Variants in SEM1 observed in about 807,000 individuals in gnomAD.
The protein encoded by SEM1 is SEM1 26S proteasome subunit.
Under a neutral mutation model 12.7 loss-of-function variants are expected in SEM1, and 3 were observed. The observed-to-expected ratio is 0.24, with a 90% CI of 0.11 to 0.61. SEM1 has a LOEUF of 0.61. SEM1 is among the 20% of genes least tolerant of loss of function. The pLI is 0.88. For synonymous variants in SEM1, 30 were observed against 27.8 expected, an observed-to-expected ratio of 1.08 and a Z score of -0.25; for missense variants, 59 against 81.3, an observed-to-expected ratio of 0.73 and a Z score of 1.06.
At chr7:96,504,410 A>G in intron 3 of SEM1, among the ~76,000 whole-genome samples, 1 of 152,208 alleles carries the variant, frequency 6.6e-6, no homozygotes, top group East Asian at 1.9e-4. Flanking sequence ...AATATGGAAA[A>G]TTTCAAACAT....
intron 2 of SEM1, among the ~76,000 whole-genome samples, chr7:96,651,049 C>A (rs1808963177): frequency 6.6e-6 from 1 of 152,152 alleles, no homozygotes; most frequent in African/African-American, 2.4e-5. Flanking sequence ...TAGTCTAAGA[C>A]ACCACAGACT....
downstream of SEM1, among the ~76,000 whole-genome samples, chr7:96,671,166 A>T (rs1345954872): frequency 1.3e-5 from 2 of 152,192 alleles, no homozygotes; most frequent in South Asian, 4.1e-4. Flanking sequence ...AAAAATTAAG[A>T]CACCTTGAAA....
intron 2 of SEM1, among the ~76,000 whole-genome samples, chr7:96,664,920 T>A (rs1584847157): frequency 6.6e-6 from 1 of 152,166 alleles, no homozygotes; most frequent in African/African-American, 2.4e-5. Context: ...CCCACAAAGT[T>A]AAGTAGTGGA....
intron 2 of SEM1, among the ~76,000 whole-genome samples, chr7:96,580,219 G>A (rs1563069950): frequency 6.8e-6 from 1 of 147,074 alleles, no homozygotes; most frequent in Admixed American, 6.9e-5. Flanking sequence ...AATATGCGGT[G>A]TTTGGTTTTT....
Position 96,652,178 on chromosome 7 carries a change from CTCAAG to C in SEM1, c.171-29540_171-29536del, listed in dbSNP as rs578245939. Among the ~76,000 whole-genome samples the C allele has an allele frequency of 5.3e-5, 8 of 152,256 alleles. No homozygotes were observed. In the South Asian group the frequency reaches 1.0e-3, roughly 20 times the overall value. On this transcript the variant is annotated intron_variant, in intron 2 of 2. Coordinates refer to the SEM1 transcript ENST00000417009. ...AGAATTTAATAAAATTAAATGCACA[CTCAAG>C]TCAAGTGAACACTTTATATTGAAAT...
intron 1 of SEM1, among the ~76,000 whole-genome samples, chr7:96,492,817 C>T (rs1022945939): frequency 1.3e-5 from 2 of 150,778 alleles, no homozygotes; most frequent in African/African-American, 4.9e-5. Flanking sequence ...TTGTTCATTC[C>T]TTCATCCTTC....
At chr7:96,557,147 T>C (rs1172450788) in intron 2 of SEM1, among the ~76,000 whole-genome samples, 3 of 151,142 alleles carry the variant, frequency 2.0e-5, no homozygotes, top group South Asian at 2.1e-4. Context: ...CGTCCTCCCG[T>C]AGCTCAGAGT....
chr7:96,568,462 A>T (rs189302025), intron 2 of SEM1, among the ~76,000 whole-genome samples: 1 of 151,856 alleles, frequency 6.6e-6, no homozygotes, highest in East Asian at 1.9e-4. Context: ...GCTATTTAGG[A>T]ATTTCACACT....
intron 2 of SEM1, among the ~76,000 whole-genome samples, chr7:96,563,737 A>C (rs1350690087): frequency 6.6e-6 from 1 of 152,146 alleles, no homozygotes. Context: ...TAGATATAGA[A>C]TGTTTAACTC....
downstream of SEM1, among the ~76,000 whole-genome samples, chr7:96,617,626 G>C (rs543291812): frequency 6.6e-6 from 1 of 152,294 alleles, no homozygotes; most frequent in South Asian, 2.1e-4. Context: ...AGTTCTTAGA[G>C]AGAATGCTTT....
At chr7:96,687,791 TA>T (rs1056776364), downstream of SEM1, among the ~76,000 whole-genome samples, 648 of 150,934 alleles carry the variant, frequency 4.3e-3, 4 homozygotes, top group African/African-American at 0.015. Flanking sequence ...AATAATAATT[TA>T]AAAAAAAAGA....
chr7:96,613,730 C>T (rs1305574588), intron 2 of SEM1, among the ~76,000 whole-genome samples: 1 of 152,206 alleles, frequency 6.6e-6, no homozygotes, highest in African/African-American at 2.4e-5. Flanking sequence ...CTGGTAACCA[C>T]TGTTCTATTA....
At chr7:96,672,202 A>G (rs1000092801), downstream of SEM1, among the ~76,000 whole-genome samples, 2 of 152,154 alleles carry the variant, frequency 1.3e-5, no homozygotes, top group Non-Finnish European at 2.9e-5. Flanking sequence ...CTTTTCTTTT[A>G]CAAGGAAAGA....
chr7:96,498,531 A>G (rs145095238), upstream of SEM1, among the ~76,000 whole-genome samples: 1,375 of 152,282 alleles, frequency 9.0e-3, 19 homozygotes, highest in African/African-American at 0.031. Flanking sequence ...TACGACAGAG[A>G]TGAATTGAGG....
intron 2 of SEM1, among the ~76,000 whole-genome samples, chr7:96,583,095 T>C (rs1231012300): frequency 2.6e-5 from 4 of 152,232 alleles, no homozygotes; most frequent in South Asian, 4.2e-4. Context: ...TCCTGCTTTC[T>C]CTTGTGGGCA....
chr7:96,573,459 C>T (rs956458502), intron 2 of SEM1, among the ~76,000 whole-genome samples: 2 of 152,142 alleles, frequency 1.3e-5, no homozygotes, highest in African/African-American at 4.8e-5. Context: ...TAAGGCAGGC[C>T]TAGTGGTGAC....
chr7:96,506,639 G>GT (rs1803762682), exon 3 of SEM1: 1 of 151,976 alleles, frequency 6.6e-6, no homozygotes, highest in South Asian at 2.1e-4. Context: ...TAGTGATGCT[G>GT]TTGAGAACTG....
At position 96,512,528 on chromosome 7, in the gene SEM1, C is replaced by T. The variant is rs1279278825; in HGVS notation, c.171-5830G>A. Among the ~76,000 whole-genome samples the T allele has an allele frequency of 2.0e-5, 3 of 152,106 alleles. No homozygotes were observed. The East Asian group carries it at 5.8e-4, about 30-fold the overall frequency. On this transcript the variant is annotated intron_variant and NMD_transcript_variant, in intron 2 of 3. Transcript: ENST00000466986. ...AATTAATTATATAATTTCTGGCTGT[C>T]CAAGTTTAATTCACTAAATCACATT... is the stretch of plus-strand genomic sequence containing the variant.
chr7:96,636,813 A>G (rs976784967), intron 2 of SEM1, among the ~76,000 whole-genome samples: 1 of 152,048 alleles, frequency 6.6e-6, no homozygotes, highest in African/African-American at 2.4e-5. Context: ...TCTGTTTTAC[A>G]TGGTGCCTGT....
Sources: gnomAD v4.1 joint callset for allele counts (sites outside exome capture counted in the v4.1 genomes callset) on GRCh38, gnomAD v4.1.1 for gene constraint, MANE v1.5 for transcripts, NCBI Gene and HGNC (gene_info 2026-07-23, HGNC 2026-07-21) for gene names.